HADHB: variants seen among roughly 807,000 people sequenced by gnomAD.
The protein encoded by HADHB is hydroxyacyl-CoA dehydrogenase trifunctional multienzyme complex subunit beta.
A neutral mutation model predicts 61.9 loss-of-function variants in HADHB; 50 were observed. The ratio of observed to expected loss-of-function variants is 0.81; its 90% confidence interval spans 0.64 to 1.02. HADHB has a LOEUF of 1.02. Ranked by LOEUF, HADHB falls within the 50% of genes least tolerant of loss-of-function variation. HADHB has a pLI of 0.00. For missense variants in HADHB, 504 were observed against 586.5 expected (o/e 0.86, Z 1.45); for synonymous variants, 191 against 201.6 (o/e 0.95, Z 0.45).
intron 10 of HADHB, among the ~76,000 whole-genome samples, chr2:26,282,609 T>TTGATTATTA: frequency 6.6e-6 from 1 of 152,330 alleles, no homozygotes; most frequent in Non-Finnish European, 1.5e-5. Context: ...TTGATTCATT[T>TTGATTATTA]TGATTATTAT....
At chr2:26,282,818 T>G (rs754501357) in intron 10 of HADHB, 27 bp from the exon 11 acceptor site, 1 of 1,562,420 alleles carries the variant, frequency 6.4e-7, no homozygotes, top group Non-Finnish European at 8.8e-7. Flanking sequence ...CTGAAGAATT[T>G]TAACATTGTG....
chr2:26,268,017 C>T (rs550365889), intron 4 of HADHB, among the ~76,000 whole-genome samples: 8 of 152,064 alleles, frequency 5.3e-5, no homozygotes, highest in African/African-American at 7.2e-5. Flanking sequence ...TAGCAGACAC[C>T]GGTAGTCCTA....
intron 5 of HADHB, among the ~76,000 whole-genome samples, chr2:26,271,008 AC>A (rs2147817523): frequency 6.8e-6 from 1 of 146,216 alleles, no homozygotes; most frequent in Admixed American, 6.8e-5. Context: ...CCTCCCGAGT[AC>A]CTGGGACTAC....
chr2:26,253,772 G>C (rs1671494304), intron 1 of HADHB, among the ~76,000 whole-genome samples: 1 of 151,786 alleles, frequency 6.6e-6, no homozygotes, highest in South Asian at 2.1e-4. Context: ...AGAATCGACT[G>C]AACCTGGGAG....
intron 5 of HADHB, among the ~76,000 whole-genome samples, chr2:26,271,483 G>A (rs145095342): frequency 0.02 from 3,016 of 151,984 alleles, 99 homozygotes; most frequent in African/African-American, 0.067. Flanking sequence ...CTCCAGCCTG[G>A]GCAACAAGAG....
chr2:26,283,909 A>G (rs796300041), intron 12 of HADHB, among the ~76,000 whole-genome samples: 12 of 152,270 alleles, frequency 7.9e-5, no homozygotes, highest in Admixed American at 3.9e-4. Flanking sequence ...TTTATTATCA[A>G]TTTCTCTGAC....
chr2:26,254,288 C>G lies in HADHB; in HGVS notation c.34C>G (p.Pro12Ala), dbSNP rs1671523943. ...TILTYPFKNL[P>A]TASKWALRFS... The stretch of plus-strand genomic sequence containing the variant: ...CTTGACTTACCCCTTTAAAAATCTT[C>G]CCACTGCATCAAAATGGGCCCTCAG... The change falls in exon 2 of 16, where the codon CCC (proline) becomes GCC (alanine). Residue 12 changes from proline (P) to alanine (A), a missense_variant. Transcript: ENST00000317799. 2 of 1,532,642 alleles carry G rather than the reference C, an allele frequency of 1.3e-6. No individual in the cohort carries two copies. Among genetic ancestry groups the G allele is most frequent in the Admixed American group, 1.7e-5 (1 of 59,892 alleles). The allele number at this position is 1,532,642 out of a possible 1,614,324, so 94.9% of individuals were successfully genotyped here. A position where few individuals can be genotyped will look rare whatever the true frequency, so the allele number is the denominator to read the frequency against.
chr2:26,247,693 C>T (rs1353340571), intron 1 of HADHB, among the ~76,000 whole-genome samples: 1 of 152,030 alleles, frequency 6.6e-6, no homozygotes, highest in Non-Finnish European at 1.5e-5. Flanking sequence ...ATCATTATTC[C>T]CTAAACGATA....
chr2:26,283,340 C>T (rs759828525), intron 12 of HADHB, among the ~76,000 whole-genome samples: 15 of 152,110 alleles, frequency 9.9e-5, no homozygotes, highest in African/African-American at 1.7e-4. Flanking sequence ...CTGGCTAACA[C>T]GGTGAAGCCC....
At chr2:26,281,246 C>T (rs980112812) in intron 10 of HADHB, among the ~76,000 whole-genome samples, 7 of 152,082 alleles carry the variant, frequency 4.6e-5, no homozygotes, top group Non-Finnish European at 1.0e-4. Context: ...TCTTCTCTTA[C>T]CACCTTGGGT....
intron 3 of HADHB, chr2:26,254,818 GA>G: frequency 4.0e-6 from 1 of 249,096 alleles, no homozygotes; most frequent in Non-Finnish European, 7.8e-6. Context: ...ACCTGCTATG[GA>G]ACCAAAAGTT....
At chr2:26,261,074 T>A in intron 3 of HADHB, 1 of 1,301,366 alleles carries the variant, frequency 7.7e-7, no homozygotes, top group Non-Finnish European at 1.1e-6. Context: ...GTGAGTCCAG[T>A]ACCTACTCTG....
intron 1 of HADHB, 58 bp from the exon 2 acceptor site, chr2:26,254,189 A>T (rs939494683): frequency 6.0e-6 from 5 of 835,572 alleles, no homozygotes; most frequent in Non-Finnish European, 1.1e-5. Flanking sequence ...ATAGACTACA[A>T]TGTAAACTAC....
rs191912005 is a variant in HADHB, at chr2:26,273,229, A to G, written c.255-422A>G. On this transcript the variant is annotated intron_variant, in intron 5 of 15. Transcript: ENST00000317799. ...TTTGTTGATACTGATATTTCAAACTAAAATTTAACATACCCAGGACTTCTT... is the reference window on the plus strand; with the variant it reads ...TTTGTTGATACTGATATTTCAAACTGAAATTTAACATACCCAGGACTTCTT... 3.2e-3 allele frequency among the ~76,000 whole-genome samples: 487 copies of G among 152,316 alleles called. 3 individuals are homozygous for G. The highest frequency in any genetic ancestry group is 5.6e-3 in the Non-Finnish European group (380 of 68,036).
intron 3 of HADHB, among the ~76,000 whole-genome samples, chr2:26,255,343 T>C (rs1671563473): frequency 6.6e-6 from 1 of 151,640 alleles, no homozygotes; most frequent in African/African-American, 2.4e-5. Flanking sequence ...CTACTAAAAA[T>C]ACAAAAATTA....
chr2:26,258,882 C>A (rs1019327460), intron 3 of HADHB, among the ~76,000 whole-genome samples: 2 of 151,860 alleles, frequency 1.3e-5, no homozygotes, highest in Admixed American at 6.5e-5. Context: ...TTCTTTACCA[C>A]CTGATTGGTC....
chr2:26,272,416 G>A (rs989414420), intron 5 of HADHB, among the ~76,000 whole-genome samples: 2 of 150,656 alleles, frequency 1.3e-5, no homozygotes, highest in Non-Finnish European at 2.9e-5. Context: ...CACGATCTCG[G>A]CTCACTGCAG....
intron 5 of HADHB, among the ~76,000 whole-genome samples, chr2:26,272,346 CTT>C (rs11340590): frequency 5.4e-4 from 73 of 135,888 alleles, no homozygotes; most frequent in Admixed American, 1.2e-3. Context: ...TCCCATTTGT[CTT>C]TTTTTTTTTT....
chr2:26,279,231 G>T lies in HADHB; in HGVS notation c.727G>T (p.Glu243Ter). 6.2e-7 allele frequency: 1 copy of T among 1,613,388 alleles called. No individual in the cohort carries two copies. The highest frequency in any genetic ancestry group is 1.1e-5 in the South Asian group (1 of 91,058). The change falls in exon 9 of 16, where the codon GAA (glutamate) becomes TAA (stop). Residue 243 changes from glutamate (E) to a stop codon, truncating the protein, a stop_gained. Transcript: ENST00000317799. LOFTEE classifies it high-confidence loss of function. ...AFAVSRLEQD[E>*]YALRSHSLAK... is the part of the protein sequence containing the mutation. ...TGCTGTTTCTCGGCTGGAACAGGATGAATATGCACTGCGCTCTCACAGTCT... is the reference window on the plus strand; with the variant it reads ...TGCTGTTTCTCGGCTGGAACAGGATTAATATGCACTGCGCTCTCACAGTCT...
Sources: gnomAD v4.1 joint callset for allele counts (sites outside exome capture counted in the v4.1 genomes callset) on GRCh38, gnomAD v4.1.1 for gene constraint, MANE v1.5 for transcripts, NCBI Gene and HGNC (gene_info 2026-07-23, HGNC 2026-07-21) for gene names.